Variants in NRG3 observed in about 807,000 individuals in gnomAD.
The protein encoded by NRG3 is pro-neuregulin-3, membrane-bound isoform.
A neutral mutation model predicts 66.9 loss-of-function variants in NRG3; 31 were observed. The ratio of observed to expected loss-of-function variants is 0.46; its 90% confidence interval spans 0.35 to 0.63. NRG3 has a LOEUF of 0.63. Ranked by LOEUF, NRG3 falls within the 20% of genes least tolerant of loss-of-function variation. The pLI, the probability that NRG3 is intolerant of heterozygous loss-of-function variation, is 0.00. For missense variants in NRG3, 910 were observed against 878.9 expected, an observed-to-expected ratio of 1.04 and a Z score of -0.45; for synonymous variants, 393 against 359.4, an observed-to-expected ratio of 1.09 and a Z score of -1.06.
chr10:82,204,606 A>T (rs1487794367), intron 1 of NRG3, among the ~76,000 whole-genome samples: 1 of 152,038 alleles, frequency 6.6e-6, no homozygotes, highest in Non-Finnish European at 1.5e-5. Flanking sequence ...TAGTTTCTTC[A>T]TTTGTTTTCT....
At chr10:82,720,465 A>G (rs2057229211) in intron 2 of NRG3, among the ~76,000 whole-genome samples, 1 of 152,146 alleles carries the variant, frequency 6.6e-6, no homozygotes, top group African/African-American at 2.4e-5. Context: ...AAGAGCAACA[A>G]GAGAAAGAGA....
At chr10:82,124,617 A>C (rs956659400) in intron 1 of NRG3, among the ~76,000 whole-genome samples, 7 of 151,570 alleles carry the variant, frequency 4.6e-5, no homozygotes, top group African/African-American at 1.7e-4. Flanking sequence ...CTAATGCATG[A>C]GGGGCTTAAA....
chr10:82,784,667 A>C (rs1293862840), intron 3 of NRG3, among the ~76,000 whole-genome samples: 9 of 149,214 alleles, frequency 6.0e-5, no homozygotes, highest in Admixed American at 2.0e-4. Flanking sequence ...ACCATCTCAC[A>C]CCAGTTAGAA....
intron 2 of NRG3, among the ~76,000 whole-genome samples, chr10:82,533,333 C>T (rs571561764): frequency 1.3e-5 from 2 of 151,866 alleles, no homozygotes; most frequent in African/African-American, 4.8e-5. Context: ...ATTACCTGTG[C>T]TTTTGGTATT....
At chr10:82,479,660 G>C (rs1429761975) in intron 2 of NRG3, among the ~76,000 whole-genome samples, 1 of 77,962 alleles carries the variant, frequency 1.3e-5, no homozygotes, top group African/African-American at 4.8e-5. Flanking sequence ...GCAAAACTCT[G>C]TCTCAAAAAA....
At chr10:82,675,001 C>T (rs1265957851) in intron 2 of NRG3, among the ~76,000 whole-genome samples, 1 of 150,804 alleles carries the variant, frequency 6.6e-6, no homozygotes, top group Non-Finnish European at 1.5e-5. Context: ...ACTGTGTCGC[C>T]CAGGCTGGAG....
intron 1 of NRG3, among the ~76,000 whole-genome samples, chr10:82,185,841 A>T (rs2073769784): frequency 6.6e-6 from 1 of 152,214 alleles, no homozygotes; most frequent in Non-Finnish European, 1.5e-5. Context: ...AAAATTAATG[A>T]AACAAGTTCG....
At chr10:82,799,744 T>C (rs1292164420) in intron 3 of NRG3, 1 of 151,980 alleles carries the variant, frequency 6.6e-6, no homozygotes, top group East Asian at 1.9e-4. Flanking sequence ...AGTGAGACAC[T>C]GTAGCAGACA....
chr10:81,984,341 C>A (rs1177899978), intron 1 of NRG3, among the ~76,000 whole-genome samples: 1 of 152,174 alleles, frequency 6.6e-6, no homozygotes, highest in Non-Finnish European at 1.5e-5. Context: ...ACAATCTGCT[C>A]CCACATACTA....
intron 3 of NRG3, among the ~76,000 whole-genome samples, chr10:82,751,101 G>C (rs1416114925): frequency 2.0e-5 from 3 of 152,092 alleles, no homozygotes; most frequent in African/African-American, 4.8e-5. Context: ...AAATTTTTTA[G>C]AACCAGCACT....
intron 2 of NRG3, among the ~76,000 whole-genome samples, chr10:82,595,348 T>C (rs538961960): frequency 3.9e-4 from 60 of 152,328 alleles, no homozygotes; most frequent in African/African-American, 1.3e-3. Context: ...TAACCTCTGT[T>C]ACCCAATTAG....
intron 2 of NRG3, among the ~76,000 whole-genome samples, chr10:82,596,208 C>T (rs1436772578): frequency 6.6e-6 from 1 of 152,100 alleles, no homozygotes; most frequent in Non-Finnish European, 1.5e-5. Context: ...ACCCGGTAGC[C>T]GCTTCAGGAG....
intron 3 of NRG3, among the ~76,000 whole-genome samples, chr10:82,786,626 T>G (rs963116073): frequency 1.3e-5 from 2 of 152,086 alleles, no homozygotes; most frequent in Non-Finnish European, 2.9e-5. Context: ...ACTTTTGAGG[T>G]GATGCTGGAA....
chr10:82,308,163 T>C (rs962331794), intron 1 of NRG3, among the ~76,000 whole-genome samples: 1 of 152,120 alleles, frequency 6.6e-6, no homozygotes, highest in African/African-American at 2.4e-5. Flanking sequence ...AGGCATTGAT[T>C]TATTGATTGA....
chr10:82,823,234 C>CT (rs753677351), intron 3 of NRG3, among the ~76,000 whole-genome samples: 1 of 152,042 alleles, frequency 6.6e-6, no homozygotes, highest in Non-Finnish European at 1.5e-5. Context: ...ACCTGCAGGA[C>CT]TAGTAGGTGT....
chr10:82,567,840 A>G (rs915600860), intron 2 of NRG3, among the ~76,000 whole-genome samples: 1 of 151,830 alleles, frequency 6.6e-6, no homozygotes, highest in Admixed American at 6.6e-5. Context: ...TTCATCTTCA[A>G]ACTAATTAAT....
chr10:82,666,358 GA>G (rs1466716861), intron 2 of NRG3, among the ~76,000 whole-genome samples: 2 of 152,064 alleles, frequency 1.3e-5, no homozygotes, highest in African/African-American at 4.8e-5. Context: ...TGTCTTAATG[GA>G]AAATTAAATT....
chr10:82,933,998 G>T (rs1331037049), intron 4 of NRG3, among the ~76,000 whole-genome samples: 1 of 152,120 alleles, frequency 6.6e-6, no homozygotes, highest in African/African-American at 2.4e-5. Flanking sequence ...GATTGGGTTG[G>T]TTTTTATTTG....
chr10:82,708,141 C>T (rs1221715128), intron 2 of NRG3, among the ~76,000 whole-genome samples: 1 of 151,838 alleles, frequency 6.6e-6, no homozygotes, highest in Non-Finnish European at 1.5e-5. Flanking sequence ...CTATTTTTTT[C>T]AAATATTGCT....
Sources: allele counts gnomAD v4.1 joint callset (sites outside exome capture counted in the v4.1 genomes callset), GRCh38; gene constraint gnomAD v4.1.1; transcripts MANE v1.5; gene names NCBI Gene and HGNC (gene_info 2026-07-23, HGNC 2026-07-21).